Variants in PDZD2 observed in about 807,000 individuals in gnomAD.
PDZD2 encodes the protein PDZ domain-containing protein 2.
In PDZD2, 90 loss-of-function variants were observed where a neutral mutation model predicts 220.7. That is an observed-to-expected ratio of 0.41 (90% CI 0.34 to 0.49). The LOEUF is 0.49. Among genes scored for constraint, PDZD2 ranks in the 20% least tolerant of loss-of-function variants. The pLI, the probability that PDZD2 is intolerant of heterozygous loss-of-function variation, is 0.28. For synonymous variants in PDZD2, 1,375 were observed against 1,450.5 expected (o/e 0.95, Z 1.18); for missense variants, 3,174 against 3,608.5 (o/e 0.88, Z 3.08).
intron 7 of PDZD2, among the ~76,000 whole-genome samples, chr5:32,044,760 AT>A (rs1737765936): frequency 6.6e-6 from 1 of 152,166 alleles, no homozygotes; most frequent in Non-Finnish European, 1.5e-5. Context: ...TTCACGTGAT[AT>A]TTACATGCTC....
chr5:31,919,761 C>T (rs1438516482), intron 2 of PDZD2, among the ~76,000 whole-genome samples: 2 of 145,886 alleles, frequency 1.4e-5, no homozygotes, highest in African/African-American at 2.5e-5. Context: ...ACCTGTAATC[C>T]GGGTTATCGG....
At chr5:31,834,635 G>A (rs972939784) in intron 2 of PDZD2, among the ~76,000 whole-genome samples, 1 of 150,622 alleles carries the variant, frequency 6.6e-6, no homozygotes, top group African/African-American at 2.4e-5. Context: ...ACAGGTGGTA[G>A]ATGACCTCAG....
intron 1 of PDZD2, among the ~76,000 whole-genome samples, chr5:31,704,260 A>G (rs1345780181): frequency 6.6e-6 from 1 of 152,050 alleles, no homozygotes; most frequent in Non-Finnish European, 1.5e-5. Context: ...CGATCTGCCA[A>G]CCTCAGCCTC....
intron 2 of PDZD2, chr5:31,822,975 C>A: frequency 8.7e-7 from 1 of 1,145,684 alleles, no homozygotes; most frequent in South Asian, 1.2e-5. Flanking sequence ...CAACCCGGGG[C>A]CTCTTTTTTT....
rs531017331 is a variant in PDZD2 at position 31,869,427 on chromosome 5, G to T, written c.476+69703G>T. On this transcript the variant is annotated intron_variant, in intron 2 of 24. Transcript: ENST00000438447. ...TGCATACAAAAATTAGCCGGGCGTG[G>T]TGGCGGGCGCCTGTAGTCCCAGCTA... is the stretch of plus-strand genomic sequence containing the variant. 6.8e-3 allele frequency among the ~76,000 whole-genome samples: 1,028 copies of T among 152,232 alleles called. 10 individuals carry two copies. Among genetic ancestry groups the T allele is most frequent in the Non-Finnish European group, 0.011 (743 of 68,008 alleles).
chr5:32,063,173 T>A (rs1739854452), intron 14 of PDZD2, among the ~76,000 whole-genome samples: 1 of 151,744 alleles, frequency 6.6e-6, no homozygotes, highest in Admixed American at 6.6e-5. Flanking sequence ...GCCTTCTGAG[T>A]AGGTGGGATT....
chr5:31,795,481 AC>A (rs1311024856), intron 1 of PDZD2, among the ~76,000 whole-genome samples: 1 of 152,234 alleles, frequency 6.6e-6, no homozygotes, highest in Non-Finnish European at 1.5e-5. Flanking sequence ...TATTTATGAT[AC>A]ACAAAAATGG....
intron 3 of PDZD2, 111 bp from the exon 4 acceptor site, chr5:31,995,465 T>C (rs1581234852): frequency 9.1e-7 from 1 of 1,096,364 alleles, no homozygotes; most frequent in East Asian, 2.4e-5. Flanking sequence ...TAATCTGTGA[T>C]ATCTGTGGAC....
intron 2 of PDZD2, among the ~76,000 whole-genome samples, chr5:31,810,554 C>T (rs1446921537): frequency 1.3e-5 from 2 of 152,168 alleles, no homozygotes; most frequent in East Asian, 3.9e-4. Context: ...CTTGAGCCAC[C>T]ACGACCAGCC....
chr5:31,900,530 G>C (rs185080236), intron 2 of PDZD2, among the ~76,000 whole-genome samples: 54 of 152,180 alleles, frequency 3.5e-4, no homozygotes, highest in Non-Finnish European at 6.9e-4. Flanking sequence ...CATGTCAAAG[G>C]CTCCTGCAGG....
intron 2 of PDZD2, among the ~76,000 whole-genome samples, chr5:31,836,656 A>T (rs1367749360): frequency 6.6e-6 from 1 of 152,134 alleles, no homozygotes; most frequent in African/African-American, 2.4e-5. Flanking sequence ...AGGTAGGCAA[A>T]GGTTTTTTAT....
chr5:32,086,562 G>A (rs991054133), intron 19 of PDZD2, among the ~76,000 whole-genome samples: 10 of 152,178 alleles, frequency 6.6e-5, no homozygotes, highest in African/African-American at 1.4e-4. Context: ...CTCTTAGAGC[G>A]TCTAAAGCAG....
chr5:31,686,360 A>T (rs1746859698), intron 1 of PDZD2, among the ~76,000 whole-genome samples: 1 of 151,596 alleles, frequency 6.6e-6, no homozygotes, highest in Admixed American at 6.6e-5. Flanking sequence ...ATATAAAAAA[A>T]GTTTTCTTTT....
At chr5:32,063,758 C>T (rs1368632459) in intron 14 of PDZD2, among the ~76,000 whole-genome samples, 2 of 152,198 alleles carry the variant, frequency 1.3e-5, no homozygotes, top group Non-Finnish European at 2.9e-5. Flanking sequence ...GGGACCTTTA[C>T]CAGGACATTA....
At position 31,856,221 on chromosome 5, in the gene PDZD2, G is replaced by A. The variant is rs548686071; in HGVS notation, c.476+56497G>A. 3.1e-4 allele frequency among the ~76,000 whole-genome samples: 47 copies of A among 152,200 alleles called. 1 individual carries two copies. Among genetic ancestry groups the A allele is most frequent in the African/African-American group, 8.7e-4 (36 of 41,526 alleles). ...TCTGGCCATTGAATGCTAACCTGTA[G>A]GCCTCCGTGGCTCCTTTTGCTGAGA... On this transcript the variant is annotated intron_variant, in intron 2 of 24. Coordinates refer to ENST00000438447, the MANE Select transcript of PDZD2 (RefSeq NM_178140.4).
At chr5:32,071,325 G>A in intron 15 of PDZD2, 59 bp from the exon 16 acceptor site, 1 of 1,189,268 alleles carries the variant, frequency 8.4e-7, no homozygotes, top group Admixed American at 1.7e-5. Flanking sequence ...AAGGATGTGA[G>A]CCTATTTGTG....
At chr5:31,769,610 T>C (rs1332187997) in intron 1 of PDZD2, among the ~76,000 whole-genome samples, 1 of 152,250 alleles carries the variant, frequency 6.6e-6, no homozygotes, top group African/African-American at 2.4e-5. Context: ...AAATTGTTTC[T>C]CCTGATACTT....
intron 2 of PDZD2, among the ~76,000 whole-genome samples, chr5:31,945,662 C>T (rs935148055): frequency 2.0e-5 from 3 of 151,784 alleles, no homozygotes; most frequent in Admixed American, 6.6e-5. Flanking sequence ...CCTATGGGAA[C>T]CCCCTAGGGT....
chr5:31,823,203 ACGC>A, intron 2 of PDZD2: 1 of 365,240 alleles, frequency 2.7e-6, no homozygotes, highest in Non-Finnish European at 5.1e-6. Flanking sequence ...TTTGTGGCTC[ACGC>A]CTGTAATCCC....
Sources: gnomAD v4.1 joint callset for allele counts (sites outside exome capture counted in the v4.1 genomes callset) on GRCh38, gnomAD v4.1.1 for gene constraint, MANE v1.5 for transcripts, NCBI Gene and HGNC (gene_info 2026-07-23, HGNC 2026-07-21) for gene names.